Variants in SPECC1L observed in about 807,000 individuals in gnomAD.
The protein encoded by SPECC1L is sperm antigen with calponin homology and coiled-coil domains 1 like, also known as cytospin-A.
A neutral mutation model predicts 116.8 loss-of-function variants in SPECC1L; 40 were observed. The ratio of observed to expected loss-of-function variants is 0.34; its 90% CI spans 0.27 to 0.45. The LOEUF (loss-of-function observed/expected upper bound fraction) is 0.45. SPECC1L is among the 20% of genes least tolerant of loss of function. The probability of loss-of-function intolerance (pLI) is 1.00; values close to 1 mark genes in which losing one functional copy is unlikely to be tolerated. For missense variants in SPECC1L, 1,110 were observed against 1,373.6 expected (o/e 0.81, Z 3.03); for synonymous variants, 504 against 500.6 (o/e 1.01, Z -0.09).
intron 2 of SPECC1L, among the ~76,000 whole-genome samples, chr22:24,284,072 T>C (rs1409775933): frequency 6.6e-6 from 1 of 152,200 alleles, no homozygotes; most frequent in South Asian, 2.1e-4. Context: ...TTACGTTTTC[T>C]ATTTCATTGA....
chr22:24,301,316 A>C (rs2146401418), intron 2 of SPECC1L, among the ~76,000 whole-genome samples: 1 of 152,322 alleles, frequency 6.6e-6, no homozygotes, highest in Non-Finnish European at 1.5e-5. Context: ...ATGAACAGAC[A>C]CTTCTCAAAA....
At chr22:24,299,909 C>T (rs1351193639) in intron 2 of SPECC1L, among the ~76,000 whole-genome samples, 2 of 152,152 alleles carry the variant, frequency 1.3e-5, no homozygotes, top group African/African-American at 4.8e-5. Flanking sequence ...CAACCCCTGG[C>T]AATCACTTAT....
intron 13 of SPECC1L, among the ~76,000 whole-genome samples, chr22:24,366,616 C>A (rs2041771921): frequency 6.6e-6 from 1 of 151,936 alleles, no homozygotes; most frequent in Non-Finnish European, 1.5e-5. Context: ...GAGGGTTGGA[C>A]CCAGATTTTT....
At chr22:24,324,871 AC>A (rs2040786937) in intron 6 of SPECC1L, among the ~76,000 whole-genome samples, 1 of 152,200 alleles carries the variant, frequency 6.6e-6, no homozygotes, top group South Asian at 2.1e-4. Flanking sequence ...AGAAAAAGTC[AC>A]AGATTGATCC....
rs774534430 is a variant in SPECC1L at position 24,415,120 on chromosome 22, C to T, written c.*497C>T. Reference sequence around the variant, plus strand: ...GTTCCCAGCGCCCTGGGCCCTTCACCGTCCTAGTTTGGAGGAGCATGTTCA... The same window carrying T: ...GTTCCCAGCGCCCTGGGCCCTTCACTGTCCTAGTTTGGAGGAGCATGTTCA... On this transcript the variant is annotated 3_prime_UTR_variant, in exon 17 of 17. Transcript: ENST00000314328. 9 of 200,172 alleles carry T rather than the reference C, an allele frequency of 4.5e-5. No homozygotes were observed. Among genetic ancestry groups the T allele is most frequent in the Non-Finnish European group, 6.3e-5 (6 of 95,378 alleles). The allele number at this position is 200,172 out of a possible 1,614,324, so 12.4% of individuals were successfully genotyped here.
At chr22:24,312,003 C>G (rs538819218) in intron 3 of SPECC1L, among the ~76,000 whole-genome samples, 2 of 152,164 alleles carry the variant, frequency 1.3e-5, no homozygotes, top group African/African-American at 4.8e-5. Context: ...GGGTCTCACT[C>G]TGTTGCCTAG....
intron 8 of SPECC1L, among the ~76,000 whole-genome samples, chr22:24,334,170 G>A (rs2040998377): frequency 6.6e-6 from 1 of 151,850 alleles, no homozygotes; most frequent in Admixed American, 6.6e-5. Flanking sequence ...CCACCACCGT[G>A]CCTGGCTAAT....
At chr22:24,323,215 G>A (rs1433007987) in intron 5 of SPECC1L, 2 of 633,782 alleles carry the variant, frequency 3.2e-6, no homozygotes, top group Non-Finnish European at 3.9e-6. Flanking sequence ...TTCCTATGGA[G>A]CGGGTCATGA....
chr22:24,294,541 C>T lies in SPECC1L; in HGVS notation c.-37-7654C>T, dbSNP rs1374133462. On this transcript the variant is annotated intron_variant, in intron 2 of 16. Transcript: ENST00000314328. ...GGATTACAGGCACGCACCACCACAC[C>T]CAGCTAATTTTTTATATTTTTGGTA... Among the ~76,000 whole-genome samples, 4 of 151,652 alleles carry T rather than the reference C, an allele frequency of 2.6e-5. No individual in the cohort carries two copies. In the South Asian group the frequency reaches 6.2e-4, roughly 24 times the overall value.
intron 3 of SPECC1L, among the ~76,000 whole-genome samples, chr22:24,306,761 T>C (rs1460835668): frequency 1.3e-5 from 2 of 152,190 alleles, no homozygotes; most frequent in Admixed American, 1.3e-4. Flanking sequence ...CCAGAACTTG[T>C]CATCTTGCTA....
At chr22:24,282,661 A>G (rs2048965637) in intron 2 of SPECC1L, among the ~76,000 whole-genome samples, 1 of 150,982 alleles carries the variant, frequency 6.6e-6, no homozygotes, top group Non-Finnish European at 1.5e-5. Flanking sequence ...GGAGTTTTGT[A>G]TTTTTTTAAT....
chr22:24,287,134 T>A (rs2049058116), intron 2 of SPECC1L, among the ~76,000 whole-genome samples: 1 of 152,152 alleles, frequency 6.6e-6, no homozygotes, highest in Non-Finnish European at 1.5e-5. Context: ...AGCAGTTATT[T>A]CTCAGGGAGG....
chr22:24,295,935 C>G (rs1175910513), intron 2 of SPECC1L, among the ~76,000 whole-genome samples: 1 of 152,116 alleles, frequency 6.6e-6, no homozygotes. Flanking sequence ...GGGAGAAGAG[C>G]AAGACTTCAT....
chr22:24,366,674 A>G (rs1044066188), intron 13 of SPECC1L, among the ~76,000 whole-genome samples: 6 of 152,330 alleles, frequency 3.9e-5, no homozygotes, highest in African/African-American at 1.4e-4. Context: ...AAGGAATGCA[A>G]GAATGGATGA....
At chr22:24,329,064 C>G in intron 7 of SPECC1L, 145 bp downstream of exon 7, 1 of 705,142 alleles carries the variant, frequency 1.4e-6, no homozygotes, top group South Asian at 1.6e-5. Context: ...AAAGCAAATG[C>G]TATCATTTCA....
intron 11 of SPECC1L, among the ~76,000 whole-genome samples, chr22:24,347,393 T>C (rs991114879): frequency 2.0e-5 from 3 of 152,168 alleles, no homozygotes; most frequent in African/African-American, 7.2e-5. Flanking sequence ...TAATGGGTAA[T>C]AGAGAGTGTA....
chr22:24,390,626 A>G (rs758467388), intron 14 of SPECC1L, among the ~76,000 whole-genome samples: 1 of 152,166 alleles, frequency 6.6e-6, no homozygotes, highest in African/African-American at 2.4e-5. Context: ...AAGGGGAACA[A>G]GAATGGCCAG....
intron 3 of SPECC1L, among the ~76,000 whole-genome samples, chr22:24,306,063 G>A (rs1041904786): frequency 3.9e-5 from 6 of 151,930 alleles, no homozygotes; most frequent in South Asian, 2.1e-4. Context: ...GTGCCACCAC[G>A]CCTGGCTAAT....
intron 4 of SPECC1L, among the ~76,000 whole-genome samples, chr22:24,320,295 AC>A (rs1163165512): frequency 1.3e-5 from 2 of 152,176 alleles, no homozygotes; most frequent in African/African-American, 4.8e-5. Context: ...AACCAAAAAA[AC>A]GAACAAAAAA....
Sources: allele counts gnomAD v4.1 joint callset (sites outside exome capture counted in the v4.1 genomes callset), GRCh38; gene constraint gnomAD v4.1.1; transcripts MANE v1.5; gene names NCBI Gene and HGNC (gene_info 2026-07-23, HGNC 2026-07-21).